Variants in DCAF6 observed in about 807,000 individuals in gnomAD.
DCAF6 encodes DDB1- and CUL4-associated factor 6.
A neutral mutation model predicts 125.1 loss-of-function variants in DCAF6; 54 were observed. The observed-to-expected ratio is 0.43, with a 90% CI of 0.35 to 0.54. The LOEUF (loss-of-function observed/expected upper bound fraction) is 0.54. Among genes scored for constraint, DCAF6 ranks in the 20% least tolerant of loss-of-function variants. The pLI, the probability that DCAF6 is intolerant of heterozygous loss-of-function variation, is 0.01. For missense variants in DCAF6, 934 were observed against 1,161.7 expected (o/e 0.80, Z 2.85); for synonymous variants, 371 against 390.4 (o/e 0.95, Z 0.58).
the DCAF6 span, chr1:167,870,328 C>G: frequency 6.2e-7 from 1 of 1,613,984 alleles, no homozygotes; most frequent in Non-Finnish European, 8.5e-7. Context: ...CTGGTAATCC[C>G]TCATACATTA....
chr1:168,055,876 A>G (rs1377347880), intron 17 of DCAF6: 4 of 1,375,172 alleles, frequency 2.9e-6, no homozygotes, highest in Admixed American at 1.7e-5. Context: ...GTTATTTCAT[A>G]CTAGTTTATT....
At chr1:168,038,017 C>A (rs1467384786) in intron 12 of DCAF6, among the ~76,000 whole-genome samples, 2 of 152,114 alleles carry the variant, frequency 1.3e-5, no homozygotes, top group Admixed American at 6.5e-5. Context: ...GATGCTCAAG[C>A]AACTGAGGAA....
At position 168,015,658 on chromosome 1, in the gene DCAF6, T is replaced by TA. The variant is rs1186097117; in HGVS notation, c.1379-122dup. ...TAATTTTTTATCAGTAATTTGTTTA[T>TA]AGTATTCCTCTATGAGACATGTGTT... On this transcript the variant is annotated intron_variant, in intron 10 of 21. Coordinates refer to ENST00000367840, the MANE Select transcript of DCAF6 (RefSeq NM_001198956.2). The TA allele has an allele frequency of 3.7e-6, 3 of 808,052 alleles. No individual in the cohort carries two copies. The African/African-American group carries it at 5.4e-5, about 14-fold the overall frequency. The allele number at this position is 808,052 out of a possible 1,614,324, so 50.1% of individuals were successfully genotyped here.
At chr1:167,875,074 TC>T in the DCAF6 span, 1 of 1,339,230 alleles carries the variant, frequency 7.5e-7, no homozygotes, top group Non-Finnish European at 1.1e-6. Flanking sequence ...GATGTACTTT[TC>T]TGCATGTTTT....
the DCAF6 span, among the ~76,000 whole-genome samples, chr1:167,898,382 C>T: frequency 2.6e-5 from 4 of 151,768 alleles, no homozygotes; most frequent in South Asian, 4.2e-4. Context: ...GGGTGGATCA[C>T]GAAGTCAGGA....
chr1:167,943,846 A>T (rs903367491), intron 1 of DCAF6, among the ~76,000 whole-genome samples: 6 of 148,866 alleles, frequency 4.0e-5, no homozygotes, highest in Non-Finnish European at 9.0e-5. Context: ...GATTTCATTC[A>T]TTTTTTTTTT....
intron 21 of DCAF6, among the ~76,000 whole-genome samples, chr1:168,072,419 T>A (rs891780327): frequency 6.6e-6 from 1 of 152,070 alleles, no homozygotes. Flanking sequence ...GTTCATTGCC[T>A]TATTTTCCTC....
At chr1:167,888,869 C>T in the DCAF6 span, among the ~76,000 whole-genome samples, 1 of 115,244 alleles carries the variant, frequency 8.7e-6, no homozygotes, top group East Asian at 2.3e-4. Context: ...GAGGGAGACT[C>T]CGTCTCAAAA....
chr1:168,004,002 G>GT lies in DCAF6; in HGVS notation c.1117+15dup. The GT allele has an allele frequency of 6.2e-7, 1 of 1,605,530 alleles. No individual in the cohort carries two copies. On this transcript the variant is annotated intron_variant, in intron 9 of 21. Coordinates refer to ENST00000367840, the MANE Select transcript of DCAF6 (RefSeq NM_001198956.2). ...TCTCGACCCAGAGGTAATTTTTAAT[G>GT]TTAATTAAAGTCATCAGAAAGCTGG...
chr1:167,976,400 A>G (rs1678167360), intron 4 of DCAF6, among the ~76,000 whole-genome samples: 1 of 152,180 alleles, frequency 6.6e-6, no homozygotes, highest in Admixed American at 6.5e-5. Context: ...ACAACCTGGG[A>G]GGCAGAGGTT....
chr1:167,930,492 A>G, the DCAF6 span, among the ~76,000 whole-genome samples: 2 of 152,234 alleles, frequency 1.3e-5, no homozygotes, highest in African/African-American at 2.4e-5. Flanking sequence ...TAATCTAACA[A>G]TAATTATATG....
chr1:167,929,621 C>T, the DCAF6 span, among the ~76,000 whole-genome samples: 4 of 152,180 alleles, frequency 2.6e-5, no homozygotes, highest in African/African-American at 9.7e-5. Context: ...CATAAACTTA[C>T]TTCCTAATTT....
intron 5 of DCAF6, among the ~76,000 whole-genome samples, chr1:167,988,264 A>C (rs1035179640): frequency 3.3e-5 from 5 of 152,036 alleles, no homozygotes; most frequent in African/African-American, 1.2e-4. Flanking sequence ...GGGCTCGAGT[A>C]ATCTTCCTGC....
intron 10 of DCAF6, among the ~76,000 whole-genome samples, chr1:168,008,824 T>TTCTGC (rs1403775089): frequency 1.1e-3 from 170 of 149,558 alleles, no homozygotes; most frequent in Non-Finnish European, 2.1e-3. Context: ...CCGTGCCAAA[T>TTCTGC]TCTGCCCTGC....
intron 16 of DCAF6, among the ~76,000 whole-genome samples, chr1:168,045,964 T>C (rs542750494): frequency 1.3e-5 from 2 of 152,246 alleles, no homozygotes; most frequent in East Asian, 3.9e-4. Flanking sequence ...CTTAAAATCC[T>C]AGTTTACAAA....
At chr1:167,918,469 T>C in the DCAF6 span, 1,230 of 671,548 alleles carry the variant, frequency 1.8e-3, 3 homozygotes, top group Non-Finnish European at 2.7e-3. Context: ...GTCAAGTAGC[T>C]ATACAGTTGT....
the DCAF6 span, among the ~76,000 whole-genome samples, chr1:167,882,356 A>C: frequency 6.6e-6 from 1 of 151,952 alleles, no homozygotes; most frequent in Non-Finnish European, 1.5e-5. Flanking sequence ...GTGGTGGCGC[A>C]TGCCTGTAAT....
chr1:168,057,267 C>T (rs1446419006), intron 17 of DCAF6, among the ~76,000 whole-genome samples: 4 of 152,024 alleles, frequency 2.6e-5, no homozygotes, highest in Admixed American at 6.6e-5. Flanking sequence ...TGAATTTCTG[C>T]TTATATTTTA....
chr1:167,874,713 C>T, the DCAF6 span, among the ~76,000 whole-genome samples: 1 of 152,006 alleles, frequency 6.6e-6, no homozygotes, highest in Non-Finnish European at 1.5e-5. Flanking sequence ...TGGAAATAAC[C>T]CAAATGTTGC....
Sources: gnomAD v4.1 joint callset for allele counts (sites outside exome capture counted in the v4.1 genomes callset) on GRCh38, gnomAD v4.1.1 for gene constraint, MANE v1.5 for transcripts, NCBI Gene and HGNC (gene_info 2026-07-23, HGNC 2026-07-21) for gene names.